AHNAK: variants seen among roughly 807,000 people sequenced by gnomAD.
The protein encoded by AHNAK is neuroblast differentiation-associated protein AHNAK.
In AHNAK, 23 loss-of-function variants were observed where a neutral mutation model predicts 37.8. That is an observed-to-expected ratio of 0.61 (90% CI 0.44 to 0.86). AHNAK has a LOEUF of 0.86. AHNAK is among the 40% of genes least tolerant of loss of function. The pLI, the probability that AHNAK is intolerant of heterozygous loss-of-function variation, is 0.00. For missense variants in AHNAK, 7,411 were observed against 7,319.4 expected, an observed-to-expected ratio of 1.01 and a Z score of -0.46; for synonymous variants, 2,481 against 2,636.3, an observed-to-expected ratio of 0.94 and a Z score of 1.80.
At chr11:62,536,342 C>A in intron 2 of AHNAK, 127 bp downstream of exon 2, 2 of 434,638 alleles carry the variant, frequency 4.6e-6, no homozygotes, top group Non-Finnish European at 8.1e-6. Context: ...ACAGCAGAGG[C>A]AACTGGACCC....
intron 4 of AHNAK, among the ~76,000 whole-genome samples, chr11:62,495,712 A>G (rs1939594671): frequency 6.6e-6 from 1 of 150,412 alleles, no homozygotes; most frequent in Non-Finnish European, 1.5e-5. Context: ...GCACTCCAGC[A>G]TGGGGACAGA....
intron 4 of AHNAK, among the ~76,000 whole-genome samples, chr11:62,502,235 G>A (rs1939725788): frequency 6.6e-6 from 1 of 152,180 alleles, no homozygotes; most frequent in Non-Finnish European, 1.5e-5. Flanking sequence ...CTGGAATGGT[G>A]TCAATTTGAG....
chr11:62,491,147 G>T (rs567914713), intron 5 of AHNAK, among the ~76,000 whole-genome samples: 1 of 152,018 alleles, frequency 6.6e-6, no homozygotes, highest in Admixed American at 6.6e-5. Flanking sequence ...TTTGGTACAG[G>T]CCAGAAACAT....
chr11:62,517,071 T>G lies in AHNAK; in HGVS notation c.17346A>C (p.Ser5782=), dbSNP rs190527959. 6.2e-7 allele frequency: 1 copy of G among 1,614,174 alleles called. No individual in the cohort carries two copies. Among genetic ancestry groups the G allele is most frequent in the African/African-American group, 1.3e-5 (1 of 75,058 alleles). ...CAGAGAACTCTCTTTCATCACTGAA[T>G]GAATTTGAGCGGTGCCGTGGCTTCT... ...KSKKPRHRSN[S]FSDEREFSGP... is the part of the protein sequence containing the mutation. Residue 5782 remains serine, a synonymous_variant, in exon 5 of 5, where the codon TCA becomes TCC. Transcript: ENST00000378024.
rs1940209680 is a variant in AHNAK, at chr11:62,520,784, C to T, written c.13633G>A (p.Glu4545Lys). 2 of 1,613,938 alleles carry T rather than the reference C, an allele frequency of 1.2e-6. No individual in the cohort carries two copies. The highest frequency in any genetic ancestry group is 1.3e-5 in the African/African-American group (1 of 74,878). ...ACTTTGGGACCTTTCAGATCTCCCT[C>T]CAGTTTAGGAACGGAAATGTCCATA... ...GDMDISVPKLEGDLKGPKVDV... is the reference protein window; with the variant it reads ...GDMDISVPKLKGDLKGPKVDV... The change falls in exon 5 of 5, where the codon GAG (glutamate) becomes AAG (lysine). Residue 4545 changes from glutamate to lysine, a missense_variant. Coordinates refer to ENST00000378024, the MANE Select transcript of AHNAK (RefSeq NM_001620.3).
rs372762114 is a variant in AHNAK at position 62,528,398 on chromosome 11, T to C, written c.6019A>G (p.Met2007Val). Residue 2007 changes from methionine (M) to valine (V), a missense_variant, in exon 5 of 5, where the codon ATG (methionine) becomes GTG (valine). Met to Val is a conservative substitution (Grantham distance 21). Transcript: ENST00000378024. ...HLKGPKVKGD[M>V]DVSVPKVEGE... is the part of the protein sequence containing the mutation. ...TCTACCTTGGGCACAGACACATCCA[T>C]ATCCCCTTTGACTTTGGGGCCTTTC... 103 of 1,604,912 alleles carry C rather than the reference T, an allele frequency of 6.4e-5. No individual in the cohort carries two copies. Among genetic ancestry groups the C allele is most frequent in the Non-Finnish European group, 7.6e-5 (90 of 1,176,756 alleles).
intron 5 of AHNAK, among the ~76,000 whole-genome samples, chr11:62,469,553 C>T (rs554351467): frequency 6.6e-6 from 1 of 152,154 alleles, no homozygotes; most frequent in African/African-American, 2.4e-5. Flanking sequence ...TAACCTCCGC[C>T]TCCCAGGTTC....
At chr11:62,468,677 C>A (rs1938968577) in intron 5 of AHNAK, among the ~76,000 whole-genome samples, 1 of 152,170 alleles carries the variant, frequency 6.6e-6, no homozygotes, top group African/African-American at 2.4e-5. Flanking sequence ...GTGTCCTCTG[C>A]TTTAGCCTTT....
chr11:62,506,036 A>AAAAAAAAAG (rs1939806125), intron 4 of AHNAK, among the ~76,000 whole-genome samples: 2 of 76,744 alleles, frequency 2.6e-5, no homozygotes, highest in African/African-American at 9.2e-5. Context: ...AAAAAAAAAA[A>AAAAAAAAAG]GGCGGGGGTG....
rs375266380 is a variant in AHNAK, at chr11:62,490,934, C to A, written c.442+798G>T. ...TCCCGAGTAGCTGGGATTACAGGTG[C>A]CTGCCACCATACCCGGCTAATTTTT... On this transcript the variant is annotated intron_variant, in intron 5 of 5. Coordinates refer to the AHNAK transcript ENST00000257247. Among the ~76,000 whole-genome samples the A allele has an allele frequency of 1.2e-4, 18 of 152,080 alleles. No homozygotes were observed. The South Asian group carries it at 3.5e-3, about 30-fold the overall frequency.
At position 62,533,941 on chromosome 11, in the gene AHNAK, G is replaced by A. The variant is rs1307483240; in HGVS notation, c.476C>T (p.Ala159Val). The change falls in exon 5 of 5, where the codon GCC (alanine) becomes GTC (valine). Residue 159 changes from alanine to valine, a missense_variant. Ala to Val is a moderately conservative substitution (Grantham distance 64, BLOSUM62 0). Coordinates refer to ENST00000378024, the MANE Select transcript of AHNAK (RefSeq NM_001620.3). ...RTITVTRRVT[A>V]YTVDVTGREG... ...CCGGCCAGTCACATCCACAGTGTAG[G>A]CCGTGACCCTTCTGGTCACTGTGAT... 1 of 1,614,128 alleles carries A rather than the reference G, an allele frequency of 6.2e-7. No individual in the cohort carries two copies. Among genetic ancestry groups the A allele is most frequent in the African/African-American group, 1.3e-5 (1 of 75,040 alleles).
chr11:62,461,892 C>A (rs999126649), intron 5 of AHNAK, among the ~76,000 whole-genome samples: 1 of 151,130 alleles, frequency 6.6e-6, no homozygotes, highest in Non-Finnish European at 1.5e-5. Context: ...CTTCCAGGAA[C>A]TGATGTCTTT....
intron 5 of AHNAK, among the ~76,000 whole-genome samples, chr11:62,438,307 C>T (rs1317218317): frequency 2.0e-5 from 3 of 151,620 alleles, no homozygotes; most frequent in South Asian, 2.1e-4. Flanking sequence ...CTCGGACTCC[C>T]GAGTAGCTGG....
At chr11:62,534,495 C>A (rs769102518) in intron 4 of AHNAK, among the ~76,000 whole-genome samples, 5 of 152,180 alleles carry the variant, frequency 3.3e-5, no homozygotes, top group Non-Finnish European at 7.4e-5. Context: ...TGAAAGCACT[C>A]GTTGAGCCTA....
At chr11:62,504,859 G>C (rs980585604) in intron 4 of AHNAK, among the ~76,000 whole-genome samples, 1 of 152,124 alleles carries the variant, frequency 6.6e-6, no homozygotes, top group Non-Finnish European at 1.5e-5. Flanking sequence ...TTGTGAGGAT[G>C]GGCTAAAAGG....
intron 5 of AHNAK, among the ~76,000 whole-genome samples, chr11:62,453,129 C>A (rs890675344): frequency 1.3e-5 from 2 of 152,186 alleles, no homozygotes; most frequent in African/African-American, 4.8e-5. Flanking sequence ...CACCTCCAAA[C>A]CCCACCCCCA....
chr11:62,474,557 G>A (rs1939105557), intron 5 of AHNAK, among the ~76,000 whole-genome samples: 1 of 151,464 alleles, frequency 6.6e-6, no homozygotes, highest in African/African-American at 2.5e-5. Context: ...AATTGCTGCC[G>A]CTTCTTAGCT....
At position 62,517,981 on chromosome 11, in the gene AHNAK, C is replaced by A; in HGVS notation, c.16436G>T (p.Gly5479Val). The change falls in exon 5 of 5, where the codon GGT becomes GTT. Residue 5479 changes from glycine (G) to valine (V), a missense_variant. Physicochemically the swap from Gly to Val is moderately radical, Grantham distance 109. Transcript: ENST00000378024. ...GCCTTGAACACCAATGCCTGGAAGA[C>A]CTCCTCCGACAGTGGGGCCTTTGAT... ...GEIKGPTVGG[G>V]LPGIGVQGLE... The A allele has an allele frequency of 2.5e-6, 4 of 1,614,188 alleles. No homozygotes were observed. Among genetic ancestry groups the A allele is most frequent in the Non-Finnish European group, 3.4e-6 (4 of 1,180,030 alleles).
Position 62,525,918 on chromosome 11 carries a change from T to C in AHNAK, c.8499A>G (p.Pro2833=), listed in dbSNP as rs375195923. 12 of 1,614,158 alleles carry C rather than the reference T, an allele frequency of 7.4e-6. No individual in the cohort carries two copies. Among genetic ancestry groups the C allele is most frequent in the Non-Finnish European group, 1.0e-5 (12 of 1,180,028 alleles). Residue 2833 remains proline, a synonymous_variant, in exon 5 of 5, where the codon CCA becomes CCG. Transcript: ENST00000378024. ...FKMPEMHFKT[P]KISMPDIDLN... ...GGTCAATATCTGGCATGGATATCTTTGGAGTCTTAAAATGCATCTCTGGCA... is the reference window on the plus strand; with the variant it reads ...GGTCAATATCTGGCATGGATATCTTCGGAGTCTTAAAATGCATCTCTGGCA...
Sources: gnomAD v4.1 joint callset for allele counts (sites outside exome capture counted in the v4.1 genomes callset) on GRCh38, gnomAD v4.1.1 for gene constraint, MANE v1.5 for transcripts, NCBI Gene and HGNC (gene_info 2026-07-23, HGNC 2026-07-21) for gene names.